Variants in TTBK2 observed in about 807,000 individuals in gnomAD.
The protein encoded by TTBK2 is tau tubulin kinase 2.
In TTBK2, 28 loss-of-function variants were observed where a neutral mutation model predicts 110.8. The ratio of observed to expected loss-of-function variants is 0.25; its 90% CI spans 0.19 to 0.35. TTBK2 has a LOEUF of 0.35. TTBK2 is among the 10% of genes least tolerant of loss of function. TTBK2 has a pLI of 1.00. For synonymous variants in TTBK2, 532 were observed against 527.3 expected (o/e 1.01, Z -0.12); for missense variants, 1,369 against 1,500.3 (o/e 0.91, Z 1.45).
intron 14 of TTBK2, among the ~76,000 whole-genome samples, chr15:42,747,578 AC>A (rs2061811613): frequency 6.6e-6 from 1 of 152,156 alleles, no homozygotes; most frequent in South Asian, 2.1e-4. Flanking sequence ...GCAGTTCACA[AC>A]AGGGTTCACG....
intron 1 of TTBK2, among the ~76,000 whole-genome samples, chr15:42,887,730 C>T (rs920355210): frequency 1.3e-5 from 2 of 151,932 alleles, no homozygotes; most frequent in Non-Finnish European, 2.9e-5. Flanking sequence ...CTCAAACATG[C>T]TTTTTTTTCA....
intron 13 of TTBK2, among the ~76,000 whole-genome samples, chr15:42,767,363 C>T (rs2140706624): frequency 6.6e-6 from 1 of 152,066 alleles, no homozygotes; most frequent in South Asian, 2.1e-4. Flanking sequence ...TGAAAGACCG[C>T]TAGCAAGACT....
chr15:42,808,869 A>G (rs928000848), intron 9 of TTBK2, among the ~76,000 whole-genome samples: 15 of 152,186 alleles, frequency 9.9e-5, no homozygotes, highest in African/African-American at 3.6e-4. Flanking sequence ...TTTTTAAATG[A>G]AGAAAATAAA....
At chr15:42,799,233 G>A (rs1488590675) in intron 9 of TTBK2, among the ~76,000 whole-genome samples, 1 of 151,904 alleles carries the variant, frequency 6.6e-6, no homozygotes, top group Admixed American at 6.5e-5. Context: ...AGCCAGGTGT[G>A]GTGGCGGGCA....
chr15:42,874,657 T>C (rs1048044589), intron 2 of TTBK2, among the ~76,000 whole-genome samples: 2 of 151,184 alleles, frequency 1.3e-5, no homozygotes, highest in Non-Finnish European at 3.0e-5. Flanking sequence ...AAAGGAATAC[T>C]ACTTGAAACT....
chr15:42,761,858 T>G (rs761153332), intron 13 of TTBK2, among the ~76,000 whole-genome samples: 15 of 152,094 alleles, frequency 9.9e-5, no homozygotes, highest in Admixed American at 2.6e-4. Flanking sequence ...GGTGTAACGG[T>G]TTGGCTGTGT....
intron 13 of TTBK2, among the ~76,000 whole-genome samples, chr15:42,756,992 C>G (rs2061956063): frequency 1.3e-5 from 2 of 152,098 alleles, no homozygotes; most frequent in Admixed American, 6.5e-5. Context: ...TGTGCATAAA[C>G]TACTCTCATA....
Position 42,830,076 on chromosome 15 carries a change from A to T in TTBK2, c.294T>A (p.Gly98=), listed in dbSNP as rs766010990. ...TACGGCGAAGATCTGCCAGATTCCG[A>T]CCCTATGGAAATCAAATAAACACTT... ...RFNYVVMQLQ[G]RNLADLRRSQ... is the part of the protein sequence containing the mutation. Residue 98 remains glycine, a splice_region_variant and synonymous_variant, in exon 5 of 15, where the codon GGT becomes GGA. Coordinates refer to ENST00000267890, the MANE Select transcript of TTBK2 (RefSeq NM_173500.4). 2.5e-6 allele frequency: 4 copies of T among 1,614,126 alleles called. No individual in the cohort carries two copies. The South Asian group carries it at 4.4e-5, about 18-fold the overall frequency.
chr15:42,796,779 A>G (rs1890965101), intron 9 of TTBK2, among the ~76,000 whole-genome samples: 1 of 152,242 alleles, frequency 6.6e-6, no homozygotes, highest in Admixed American at 6.5e-5. Flanking sequence ...TACCTTATTC[A>G]TAACATTCCT....
In TTBK2 at chr15:42,743,535, C is replaced by G. The variant is rs144963506; in HGVS notation, c.*2260G>C. The G allele has an allele frequency of 1.3e-5, 2 of 152,190 alleles. No homozygotes were observed. The highest frequency in any genetic ancestry group is 4.8e-5 in the African/African-American group (2 of 41,510). The allele number at this position is 152,190 out of a possible 1,614,324, so 9.4% of individuals were successfully genotyped here. A position where few individuals can be genotyped will look rare whatever the true frequency, so the allele number is the denominator to read the frequency against. On this transcript the variant is annotated 3_prime_UTR_variant, in exon 15 of 15. Transcript: ENST00000267890. ...ATATGACAATTTCTTCATTATTCCC[C>G]CGACCCCCTGCAAAAAAAGTGAGAT...
At chr15:42,855,680 T>A (rs1161854944) in intron 3 of TTBK2, among the ~76,000 whole-genome samples, 1 of 152,182 alleles carries the variant, frequency 6.6e-6, no homozygotes, top group Non-Finnish European at 1.5e-5. Context: ...TTTATTTATT[T>A]ATTATATATT....
At chr15:42,811,912 A>T in intron 7 of TTBK2, 132 bp from the exon 8 acceptor site, 5 of 605,438 alleles carry the variant, frequency 8.3e-6, no homozygotes, top group Non-Finnish European at 1.1e-5. Context: ...AAATTATATG[A>T]TAAACATATA....
At chr15:42,856,430 A>T (rs1893944244) in intron 3 of TTBK2, among the ~76,000 whole-genome samples, 1 of 152,228 alleles carries the variant, frequency 6.6e-6, no homozygotes. Context: ...AAACTGTGAC[A>T]TGGCAACAAA....
Position 42,763,100 on chromosome 15 carries a change from A to ACACG in TTBK2, c.1999-9854_1999-9853insCGTG, listed in dbSNP as rs1207744619. ...TTAACAATTTTATATATATATATAT[A>ACACG]TACGTATATATATATATACACATAT... On this transcript the variant is annotated intron_variant, in intron 13 of 14. Transcript: ENST00000267890. 1.2e-4 allele frequency among the ~76,000 whole-genome samples: 15 copies of ACACG among 120,162 alleles called. 2 individuals are homozygous for ACACG. Among genetic ancestry groups the ACACG allele is most frequent in the African/African-American group, 4.5e-4 (12 of 26,426 alleles). 78.8% of individuals were successfully genotyped at this position (120,162 alleles called of 152,430 possible). A position where few individuals can be genotyped will look rare whatever the true frequency, so the allele number is the denominator to read the frequency against.
At chr15:42,794,538 C>T (rs994399951) in intron 10 of TTBK2, 106 bp downstream of exon 10, 30 of 1,494,572 alleles carry the variant, frequency 2.0e-5, no homozygotes, top group Admixed American at 6.7e-5. Flanking sequence ...CAGGCTTTCC[C>T]GGATGTCTTA....
At chr15:42,844,184 C>A (rs1393169614) in intron 3 of TTBK2, among the ~76,000 whole-genome samples, 1 of 152,128 alleles carries the variant, frequency 6.6e-6, no homozygotes, top group African/African-American at 2.4e-5. Context: ...TGGCACAATA[C>A]CCACAATACC....
At chr15:42,763,151 T>TACAC (rs1567008739) in intron 13 of TTBK2, among the ~76,000 whole-genome samples, 1 of 60,404 alleles carries the variant, frequency 1.7e-5, no homozygotes, top group Admixed American at 2.1e-4. Flanking sequence ...TACATATATA[T>TACAC]ATATACATAT....
intron 13 of TTBK2, among the ~76,000 whole-genome samples, chr15:42,758,859 C>T (rs958479690): frequency 6.6e-6 from 1 of 152,088 alleles, no homozygotes; most frequent in East Asian, 1.9e-4. Context: ...ACAGTCCTAG[C>T]GAGCCTGGAG....
chr15:42,789,603 G>A (rs920024306), intron 10 of TTBK2, among the ~76,000 whole-genome samples: 3 of 151,936 alleles, frequency 2.0e-5, no homozygotes, highest in Non-Finnish European at 4.4e-5. Context: ...CTGTGGTGAC[G>A]CAGGCCTGTA....
Sources: gnomAD v4.1 joint callset for allele counts (sites outside exome capture counted in the v4.1 genomes callset) on GRCh38, gnomAD v4.1.1 for gene constraint, MANE v1.5 for transcripts, NCBI Gene and HGNC (gene_info 2026-07-23, HGNC 2026-07-21) for gene names.